C11orf65: variants seen among roughly 807,000 people sequenced by gnomAD.
C11orf65 encodes protein MFI.
C11orf65 carries 38 observed loss-of-function variants against 35.3 expected under a neutral mutation model. The ratio of observed to expected loss-of-function variants is 1.08; its 90% CI spans 0.83 to 1.41. The LOEUF (loss-of-function observed/expected upper bound fraction) is 1.41, where lower values mean the gene tolerates loss of function less well. C11orf65 is among the 40% of genes most tolerant of loss of function. C11orf65 has a pLI of 0.00. For synonymous variants in C11orf65, 105 were observed against 114.4 expected (o/e 0.92, Z 0.53); for missense variants, 370 against 367.1 (o/e 1.01, Z -0.06).
chr11:108,329,102 G>A (rs2136415110), downstream of C11orf65: 1 of 1,614,118 alleles, frequency 6.2e-7, no homozygotes, highest in Non-Finnish European at 8.5e-7. Flanking sequence ...TCTCTCATTA[G>A]CCCGGTTTTC....
At position 108,362,969 on chromosome 11, in the gene C11orf65, AC is replaced by A. The variant is rs201210022; in HGVS notation, c.227-27678del. On this transcript the variant is annotated intron_variant, in intron 2 of 3. Transcript: ENST00000524755. ...GTATAATTTAAAAAAAACTAAAAAA[AC>A]AAACAACAAAACAAACAAACAAAAA... Among the ~76,000 whole-genome samples the A allele has an allele frequency of 8.0e-3, 1,213 of 152,172 alleles. 8 individuals carry two copies. Among genetic ancestry groups the A allele is most frequent in the African/African-American group, 0.025 (1,034 of 41,502 alleles).
At chr11:108,354,450 A>G (rs1297764177) in intron 2 of C11orf65, among the ~76,000 whole-genome samples, 1 of 152,204 alleles carries the variant, frequency 6.6e-6, no homozygotes, top group South Asian at 2.1e-4. Flanking sequence ...AGTTCCTTGT[A>G]GTTTTCCCAG....
chr11:108,469,144 A>G (rs2093562678), upstream of C11orf65, among the ~76,000 whole-genome samples: 1 of 151,852 alleles, frequency 6.6e-6, no homozygotes, highest in Non-Finnish European at 1.5e-5. Context: ...CCCGGGAGGC[A>G]GAGGTTGGTT....
In C11orf65 at chr11:108,325,210, T is replaced by G. The variant is rs2085522399; in HGVS notation, c.641-16139A>C. On this transcript the variant is annotated intron_variant, in intron 6 of 6. Transcript: ENST00000525729. ...TTGTCACTACAAAAGTTCCTTTGTA[T>G]TATTATAATATTATATCGTAAGTTC... is the stretch of plus-strand genomic sequence containing the variant. 3 of 811,630 alleles carry G rather than the reference T, an allele frequency of 3.7e-6. No homozygotes were observed. The East Asian group carries it at 8.0e-5, about 22-fold the overall frequency. 50.3% of individuals were successfully genotyped at this position (811,630 alleles called of 1,614,324 possible).
intron 2 of C11orf65, chr11:108,364,957 G>A (rs2091177474): frequency 1.9e-6 from 2 of 1,066,038 alleles, no homozygotes; most frequent in Non-Finnish European, 2.8e-6. Context: ...TGTGCATGAT[G>A]TTTGTTCCCC....
At chr11:108,388,547 G>T (rs922273934) in intron 7 of C11orf65, among the ~76,000 whole-genome samples, 2 of 152,146 alleles carry the variant, frequency 1.3e-5, no homozygotes, top group Non-Finnish European at 2.9e-5. Flanking sequence ...ACATATCTTA[G>T]AAATCAAAGG....
At chr11:108,398,453 G>A (rs771933092) in intron 6 of C11orf65, among the ~76,000 whole-genome samples, 6 of 152,156 alleles carry the variant, frequency 3.9e-5, no homozygotes, top group African/African-American at 7.2e-5. Context: ...TTTGTGATGC[G>A]GAAGATTAGA....
chr11:108,393,280 C>A lies in C11orf65; in HGVS notation c.659G>T (p.Gly220Val), dbSNP rs779411609. 1.9e-6 allele frequency: 3 copies of A among 1,613,958 alleles called. No homozygotes were observed. The highest frequency in any genetic ancestry group is 2.5e-6 in the Non-Finnish European group (3 of 1,179,984). The change falls in exon 7 of 9, where the codon GGG becomes GTG. Residue 220 changes from glycine (G) to valine (V), a missense_variant. Physicochemically the swap from Gly to Val is moderately radical, Grantham distance 109 (BLOSUM62 -3). Coordinates refer to ENST00000393084, the MANE Select transcript of C11orf65 (RefSeq NM_152587.5). ...CCATTCCATCACAGAATCTATCCCC[C>A]CATCTTCAAAAGCTCTAATCAGCCC... Reference protein sequence around the residue: ...TKGLIRAFEDGGIDSVMEWEV... With the variant: ...TKGLIRAFEDVGIDSVMEWEV...
At chr11:108,381,522 G>C (rs1430454106), downstream of C11orf65, among the ~76,000 whole-genome samples, 2 of 152,138 alleles carry the variant, frequency 1.3e-5, no homozygotes, top group South Asian at 2.1e-4. Context: ...AGCAAACTGA[G>C]GCCTGGATAC....
At position 108,326,077 on chromosome 11, in the gene C11orf65, T is replaced by G. The variant is rs753389616; in HGVS notation, c.641-17006A>C. On this transcript the variant is annotated intron_variant, in intron 6 of 6. Coordinates refer to the C11orf65 transcript ENST00000525729. The stretch of plus-strand genomic sequence containing the variant: ...TTTCAGCTCCCTGAAAGGGCAATAT[T>G]TCAAATTAAACAGTACAATTCAGTT... 1.2e-6 allele frequency: 2 copies of G among 1,614,126 alleles called. No homozygotes were observed. The highest frequency in any genetic ancestry group is 2.2e-5 in the South Asian group (2 of 91,082).
chr11:108,385,783 T>G, intron 8 of C11orf65, 137 bp downstream of exon 8: 1 of 685,138 alleles, frequency 1.5e-6, no homozygotes, highest in Non-Finnish European at 2.5e-6. Flanking sequence ...CATACAAAGG[T>G]AAAAATGACT....
intron 2 of C11orf65, among the ~76,000 whole-genome samples, chr11:108,339,146 T>A (rs1371660129): frequency 1.3e-5 from 2 of 152,214 alleles, no homozygotes; most frequent in East Asian, 3.8e-4. Flanking sequence ...ACATAGCCCT[T>A]AACATTAACC....
chr11:108,327,445 T>C (rs916471897), downstream of C11orf65: 1 of 529,750 alleles, frequency 1.9e-6, no homozygotes, highest in African/African-American at 1.9e-5. Context: ...ATGGCAATAA[T>C]AATAATAAAC....
intron 6 of C11orf65, chr11:108,309,219 T>C (rs2083940087): frequency 1.8e-6 from 1 of 545,060 alleles, no homozygotes; most frequent in Non-Finnish European, 3.3e-6. Flanking sequence ...ACAAAAAAAT[T>C]GCTTGCTGTC....
At chr11:108,379,205 T>G (rs1031409035), downstream of C11orf65, among the ~76,000 whole-genome samples, 3 of 152,078 alleles carry the variant, frequency 2.0e-5, no homozygotes, top group Admixed American at 6.6e-5. Context: ...CTATTCACAA[T>G]AGCAAAGACT....
At chr11:108,355,280 C>T (rs1032878497) in intron 2 of C11orf65, 1 of 233,016 alleles carries the variant, frequency 4.3e-6, no homozygotes, top group Non-Finnish European at 8.5e-6. Flanking sequence ...AAATTGTCAG[C>T]ATCATTACTA....
rs956838108 is a variant in C11orf65 at position 108,467,498 on chromosome 11, G to A, written c.-37C>T. On this transcript the variant is annotated 5_prime_UTR_variant, in exon 1 of 9. Coordinates refer to ENST00000393084, the MANE Select transcript of C11orf65 (RefSeq NM_152587.5). ...ATCGCTGCTGGCCCGGGCGCCGCTG[G>A]ACTCCTAGGTAACGTCGCAGGCGGA... is the stretch of plus-strand genomic sequence containing the variant. 1.3e-5 allele frequency: 2 copies of A among 152,424 alleles called. No homozygotes were observed. Among genetic ancestry groups the A allele is most frequent in the Admixed American group, 1.3e-4 (2 of 15,272 alleles). The allele number at this position is 152,424 out of a possible 1,614,324, so 9.4% of individuals were successfully genotyped here.
At chr11:108,431,690 G>T (rs1368185654) in intron 3 of C11orf65, 56 bp downstream of exon 3, 2 of 936,048 alleles carry the variant, frequency 2.1e-6, no homozygotes, top group Non-Finnish European at 3.1e-6. Context: ...AATTGATAAA[G>T]TAATCACATT....
upstream of C11orf65, among the ~76,000 whole-genome samples, chr11:108,467,755 A>G (rs1383816576): frequency 6.6e-6 from 1 of 152,218 alleles, no homozygotes; most frequent in Non-Finnish European, 1.5e-5. Flanking sequence ...TTAGTATATA[A>G]TAAAGCCCAG....
Sources: gnomAD v4.1 joint callset for allele counts (sites outside exome capture counted in the v4.1 genomes callset) on GRCh38, gnomAD v4.1.1 for gene constraint, MANE v1.5 for transcripts, NCBI Gene and HGNC (gene_info 2026-07-23, HGNC 2026-07-21) for gene names.